LUZP2: variants seen among roughly 807,000 people sequenced by gnomAD.
LUZP2 encodes the protein leucine zipper protein 2.
In LUZP2, 52 loss-of-function variants were observed where a neutral mutation model predicts 51.6. That is an observed-to-expected ratio of 1.01 (90% CI 0.81 to 1.27). The LOEUF is 1.27. Ranked by LOEUF, LUZP2 falls within the 50% of genes most tolerant of loss-of-function variation. The pLI is 0.00. For synonymous variants in LUZP2, 154 were observed against 137.3 expected (o/e 1.12, Z -0.85); for missense variants, 436 against 395.4 (o/e 1.10, Z -0.87).
At chr11:24,998,030 A>G (rs1246952141) in intron 9 of LUZP2, among the ~76,000 whole-genome samples, 1 of 152,006 alleles carries the variant, frequency 6.6e-6, no homozygotes. Context: ...TAGCCTTGTA[A>G]TATAGTTTGA....
chr11:24,878,936 A>T (rs1345459542), intron 5 of LUZP2, among the ~76,000 whole-genome samples: 1 of 151,494 alleles, frequency 6.6e-6, no homozygotes, highest in Non-Finnish European at 1.5e-5. Flanking sequence ...ATGTCCCTGC[A>T]AAAGACATGA....
intron 1 of LUZP2, among the ~76,000 whole-genome samples, chr11:24,668,778 C>T (rs1240512647): frequency 6.6e-6 from 1 of 152,102 alleles, no homozygotes; most frequent in South Asian, 2.1e-4. Flanking sequence ...CTCAACTTCT[C>T]TCATAAGAAA....
intron 1 of LUZP2, among the ~76,000 whole-genome samples, chr11:24,653,935 T>C (rs1197740550): frequency 2.0e-5 from 3 of 152,200 alleles, no homozygotes; most frequent in Non-Finnish European, 2.9e-5. Context: ...TGGATAAAAG[T>C]GCAAATTATG....
chr11:24,829,847 A>G (rs1231508324), intron 5 of LUZP2, among the ~76,000 whole-genome samples: 1 of 152,198 alleles, frequency 6.6e-6, no homozygotes, highest in Non-Finnish European at 1.5e-5. Flanking sequence ...ATAAGTCCAG[A>G]GTTAACAGCT....
At chr11:24,593,823 T>G (rs1269822118) in intron 1 of LUZP2, among the ~76,000 whole-genome samples, 1 of 152,162 alleles carries the variant, frequency 6.6e-6, no homozygotes, top group Non-Finnish European at 1.5e-5. Context: ...CAGCTTCAAC[T>G]CAAGAGGAGA....
intron 7 of LUZP2, among the ~76,000 whole-genome samples, chr11:24,968,102 C>G (rs1267792952): frequency 6.6e-6 from 1 of 152,062 alleles, no homozygotes; most frequent in South Asian, 2.1e-4. Context: ...AGTACCCAAG[C>G]TCCTCTTATT....
chr11:24,999,970 T>A (rs1054586490), intron 9 of LUZP2, among the ~76,000 whole-genome samples: 2 of 152,150 alleles, frequency 1.3e-5, no homozygotes. Flanking sequence ...TGCTGCTGGC[T>A]CTAGTGGCCA....
chr11:24,571,592 G>C (rs1376954614), intron 1 of LUZP2, among the ~76,000 whole-genome samples: 1 of 152,002 alleles, frequency 6.6e-6, no homozygotes, highest in Non-Finnish European at 1.5e-5. Flanking sequence ...CAGTTATTAA[G>C]TGTCACTGAT....
At chr11:24,716,537 A>G (rs982154975) in intron 1 of LUZP2, among the ~76,000 whole-genome samples, 2 of 152,172 alleles carry the variant, frequency 1.3e-5, no homozygotes, top group Middle Eastern at 3.2e-3. Flanking sequence ...GTCACAGGGT[A>G]CAGGAGCCTG....
chr11:24,737,276 T>C (rs975924744), intron 3 of LUZP2, among the ~76,000 whole-genome samples: 3 of 152,046 alleles, frequency 2.0e-5, no homozygotes, highest in Admixed American at 6.6e-5. Context: ...AGAAATTGAG[T>C]ATGAGAGGGT....
At chr11:25,006,789 T>C (rs559960554) in intron 9 of LUZP2, among the ~76,000 whole-genome samples, 1 of 152,214 alleles carries the variant, frequency 6.6e-6, no homozygotes, top group Admixed American at 6.5e-5. Context: ...CATAGACCCA[T>C]GTGGTGACGG....
At chr11:24,969,008 T>A (rs923472241) in intron 7 of LUZP2, among the ~76,000 whole-genome samples, 2 of 152,192 alleles carry the variant, frequency 1.3e-5, no homozygotes, top group African/African-American at 4.8e-5. Context: ...ATCCTTTTTT[T>A]AAGTTATATT....
At chr11:25,077,483 A>T (rs528363308) in intron 11 of LUZP2, 77 bp downstream of exon 11, 25 of 585,834 alleles carry the variant, frequency 4.3e-5, no homozygotes, top group African/African-American at 2.4e-4. Context: ...ATTTTTATTT[A>T]TATTATTTTT....
chr11:24,544,748 T>C (rs570649595), intron 1 of LUZP2, among the ~76,000 whole-genome samples: 27 of 152,230 alleles, frequency 1.8e-4, no homozygotes, highest in South Asian at 1.7e-3. Flanking sequence ...AAGCACTATT[T>C]GCCTGCATGT....
chr11:24,988,659 T>C (rs1856250925), intron 9 of LUZP2, among the ~76,000 whole-genome samples: 1 of 152,072 alleles, frequency 6.6e-6, no homozygotes, highest in East Asian at 1.9e-4. Context: ...ATGCATTTTA[T>C]TATAAGATTC....
intron 1 of LUZP2, among the ~76,000 whole-genome samples, chr11:24,720,092 A>G (rs1303671558): frequency 6.6e-6 from 1 of 152,228 alleles, no homozygotes; most frequent in Non-Finnish European, 1.5e-5. Flanking sequence ...AATGGGAACA[A>G]TTAGAATATT....
chr11:24,573,789 C>T (rs185722154), intron 1 of LUZP2, among the ~76,000 whole-genome samples: 107 of 152,052 alleles, frequency 7.0e-4, no homozygotes, highest in Non-Finnish European at 2.9e-4. Flanking sequence ...CTTTAAAAAG[C>T]ACACAGATTA....
intron 5 of LUZP2, among the ~76,000 whole-genome samples, chr11:24,859,600 A>G (rs1851674372): frequency 6.6e-6 from 1 of 152,202 alleles, no homozygotes; most frequent in South Asian, 2.1e-4. Context: ...CTTCCATCGA[A>G]AAAACCATAA....
intron 7 of LUZP2, among the ~76,000 whole-genome samples, chr11:24,975,852 A>T (rs11600296): frequency 1.3e-4 from 19 of 151,722 alleles, no homozygotes; most frequent in African/African-American, 4.4e-4. Flanking sequence ...TGGGATTAAA[A>T]CACAACAACA....
Sources: allele counts gnomAD v4.1 joint callset (sites outside exome capture counted in the v4.1 genomes callset), GRCh38; gene constraint gnomAD v4.1.1; transcripts MANE v1.5; gene names NCBI Gene and HGNC (gene_info 2026-07-23, HGNC 2026-07-21).